MAJIN: variants seen among roughly 807,000 people sequenced by gnomAD.
The protein encoded by MAJIN is membrane-anchored junction protein.
MAJIN carries 27 observed loss-of-function variants against 30.2 expected under a neutral mutation model. The observed-to-expected ratio is 0.89, with a 90% CI of 0.66 to 1.23. The LOEUF (loss-of-function observed/expected upper bound fraction) is 1.23. Ranked by LOEUF, MAJIN falls within the 50% of genes most tolerant of loss-of-function variation. The pLI is 0.00. For missense variants in MAJIN, 253 were observed against 260.3 expected (o/e 0.97, Z 0.19); for synonymous variants, 78 against 91.6 (o/e 0.85, Z 0.85).
At chr11:64,957,495 C>A (rs547836700) in intron 3 of MAJIN, among the ~76,000 whole-genome samples, 1 of 152,228 alleles carries the variant, frequency 6.6e-6, no homozygotes, top group Admixed American at 6.5e-5. Flanking sequence ...CCTCTGCCTC[C>A]CAGGTTGAAC....
At chr11:64,941,864 G>A (rs545958536) in intron 8 of MAJIN, among the ~76,000 whole-genome samples, 93 of 152,264 alleles carry the variant, frequency 6.1e-4, no homozygotes, top group South Asian at 1.2e-3. Flanking sequence ...GGGCATTCCA[G>A]ACAGGGACAT....
At chr11:64,957,207 C>A (rs986254516) in intron 3 of MAJIN, among the ~76,000 whole-genome samples, 16 of 151,894 alleles carry the variant, frequency 1.1e-4, no homozygotes, top group African/African-American at 3.9e-4. Flanking sequence ...GCCTTCCAAG[C>A]AGCTGGGATC....
intron 3 of MAJIN, among the ~76,000 whole-genome samples, chr11:64,957,325 C>G (rs1945651908): frequency 6.6e-6 from 1 of 152,118 alleles, no homozygotes; most frequent in Admixed American, 6.6e-5. Context: ...AGCAATCCTC[C>G]CACTTGAGCC....
chr11:64,946,106 G>C (rs1945447668), intron 8 of MAJIN: 1 of 1,535,066 alleles, frequency 6.5e-7, no homozygotes, highest in African/African-American at 1.4e-5. Flanking sequence ...GGTTTCCACA[G>C]GGGGCTTCTT....
intron 3 of MAJIN, among the ~76,000 whole-genome samples, chr11:64,956,069 G>A (rs1945626425): frequency 6.6e-6 from 1 of 152,210 alleles, no homozygotes; most frequent in Admixed American, 6.5e-5. Flanking sequence ...GGGAGGCCGA[G>A]GTGGGTGGAT....
At chr11:64,954,642 A>C (rs780783843) in intron 4 of MAJIN, 115 bp downstream of exon 4, 6 of 996,660 alleles carry the variant, frequency 6.0e-6, no homozygotes, top group Non-Finnish European at 8.0e-6. Flanking sequence ...TAGCAGGAGG[A>C]AGCCAAGTTA....
intron 9 of MAJIN, 72 bp downstream of exon 9, chr11:64,940,502 C>G (rs1945357413): frequency 6.7e-7 from 1 of 1,481,542 alleles, no homozygotes; most frequent in Non-Finnish European, 9.4e-7. Flanking sequence ...CTGTGCTGCT[C>G]TACATATCAG....
Position 64,961,172 on chromosome 11 carries a change from G to GTT in MAJIN, c.-64-1039_-64-1038dup, listed in dbSNP as rs533022844. Among the ~76,000 whole-genome samples the GTT allele has an allele frequency of 4.3e-3, 624 of 143,456 alleles. 2 individuals carry two copies. The highest frequency in any genetic ancestry group is 0.013 in the African/African-American group (523 of 39,404). 94.1% of individuals were successfully genotyped at this position (143,456 alleles called of 152,430 possible). A position where few individuals can be genotyped will look rare whatever the true frequency, so the allele number is the denominator to read the frequency against. The stretch of plus-strand genomic sequence containing the variant: ...CAAGGATTATTTTTTTGTTTTTGTG[G>GTT]TTTTTTTTTTTTTGAGTCAGGGTCT... On this transcript the variant is annotated intron_variant, in intron 1 of 10. Coordinates refer to ENST00000301896, the MANE Select transcript of MAJIN (RefSeq NM_001037225.3).
At chr11:64,959,203 C>G in intron 3 of MAJIN, 102 bp downstream of exon 3, 1 of 790,232 alleles carries the variant, frequency 1.3e-6, no homozygotes, top group Non-Finnish European at 2.1e-6. Flanking sequence ...TGCTACTTTA[C>G]CAGTCTCCTG....
At chr11:64,940,221 A>G (rs1945353443) in intron 9 of MAJIN, among the ~76,000 whole-genome samples, 2 of 152,226 alleles carry the variant, frequency 1.3e-5, no homozygotes, top group African/African-American at 4.8e-5. Context: ...CTCAAAGGGA[A>G]GAGATCATTC....
chr11:64,942,390 G>A (rs956884677), intron 8 of MAJIN, among the ~76,000 whole-genome samples: 1 of 151,924 alleles, frequency 6.6e-6, no homozygotes, highest in Admixed American at 6.6e-5. Context: ...TCCAAGTAGT[G>A]TACACTATAC....
chr11:64,961,293 G>A (rs1253673829), intron 1 of MAJIN, among the ~76,000 whole-genome samples: 5 of 150,226 alleles, frequency 3.3e-5, no homozygotes, highest in Admixed American at 6.7e-5. Flanking sequence ...TCAGCCTCCC[G>A]AGTAGCAGGG....
chr11:64,956,995 G>A (rs1293094668), intron 3 of MAJIN, among the ~76,000 whole-genome samples: 3 of 151,978 alleles, frequency 2.0e-5, no homozygotes, highest in African/African-American at 7.3e-5. Flanking sequence ...TCAAACTCCT[G>A]ACCTCAGAAG....
intron 4 of MAJIN, 54 bp from the exon 5 acceptor site, chr11:64,950,484 G>A: frequency 6.6e-7 from 1 of 1,511,952 alleles, no homozygotes. Flanking sequence ...GCCAGTCTTT[G>A]TTTATATTTG....
intron 6 of MAJIN, among the ~76,000 whole-genome samples, chr11:64,948,604 T>TTC (rs71471963): frequency 0.18 from 3,703 of 20,880 alleles, 694 homozygotes; most frequent in East Asian, 0.3. Flanking sequence ...GGCTACATCA[T>TTC]ATATATATAT....
chr11:64,959,588 T>C (rs1680428027), intron 2 of MAJIN, among the ~76,000 whole-genome samples, 166 bp from the exon 3 acceptor site: 1 of 152,194 alleles, frequency 6.6e-6, no homozygotes, highest in Non-Finnish European at 1.5e-5. Flanking sequence ...CCTACCTGCA[T>C]GGGGAGAATA....
At position 64,947,389 on chromosome 11, in the gene MAJIN, C is replaced by T. The variant is rs780767889; in HGVS notation, c.458G>A (p.Arg153Lys). ...KHMDEPSSPS[R>K]PGLDRIGKEK... Reference sequence around the variant, plus strand: ...CACCACTGACCTGTCCAGCCCTGGCCTGCTGGGGGAGCTGGGCTCGTCCAT... The same window carrying T: ...CACCACTGACCTGTCCAGCCCTGGCTTGCTGGGGGAGCTGGGCTCGTCCAT... The change falls in exon 8 of 11, where the codon AGG (arginine) becomes AAG (lysine). Residue 153 changes from arginine to lysine, a missense_variant. Transcript: ENST00000301896. 72 of 1,613,434 alleles carry T rather than the reference C, an allele frequency of 4.5e-5. 1 individual carries two copies. Among genetic ancestry groups the T allele is most frequent in the Middle Eastern group, 1.6e-4 (1 of 6,082 alleles).
chr11:64,954,631 G>T, intron 4 of MAJIN, 126 bp downstream of exon 4: 1 of 861,260 alleles, frequency 1.2e-6, no homozygotes, highest in Non-Finnish European at 2.0e-6. Context: ...CAAAGGAGAT[G>T]TAGCAGGAGG....
chr11:64,946,867 C>G (rs1425124580), intron 8 of MAJIN, among the ~76,000 whole-genome samples: 1 of 152,110 alleles, frequency 6.6e-6, no homozygotes, highest in East Asian at 1.9e-4. Context: ...CTCAACATTC[C>G]CCCTAATATC....
Sources: allele counts gnomAD v4.1 joint callset (sites outside exome capture counted in the v4.1 genomes callset), GRCh38; gene constraint gnomAD v4.1.1; transcripts MANE v1.5; gene names NCBI Gene and HGNC (gene_info 2026-07-23, HGNC 2026-07-21).